The following SNX3 variants were observed in gnomAD, a reference collection of about 807,000 sequenced individuals.
The protein encoded by SNX3 is sorting nexin-3.
In SNX3, 5 loss-of-function variants were observed where a neutral mutation model predicts 17.7. The observed-to-expected ratio is 0.28, with a 90% confidence interval of 0.15 to 0.59. The LOEUF (loss-of-function observed/expected upper bound fraction) is 0.59, where lower values mean the gene tolerates loss of function less well. Among genes scored for constraint, SNX3 ranks in the 20% least tolerant of loss-of-function variants. SNX3 has a pLI of 0.88. For synonymous variants in SNX3, 91 were observed against 76.5 expected (o/e 1.19, Z -0.99); for missense variants, 132 against 206.8 (o/e 0.64, Z 2.22).
At chr6:108,222,045 C>G (rs898348120) in intron 2 of SNX3, among the ~76,000 whole-genome samples, 11 of 152,154 alleles carry the variant, frequency 7.2e-5, no homozygotes, top group African/African-American at 2.4e-4. Flanking sequence ...GCATGAGCCA[C>G]CATGCCCGGC....
At chr6:108,241,579 C>A (rs1775524879) in intron 1 of SNX3, among the ~76,000 whole-genome samples, 1 of 151,806 alleles carries the variant, frequency 6.6e-6, no homozygotes, top group Non-Finnish European at 1.5e-5. Flanking sequence ...GATAAGCTGA[C>A]AAACTGACTC....
chr6:108,219,295 C>G (rs1386486040), intron 2 of SNX3, among the ~76,000 whole-genome samples: 1 of 151,770 alleles, frequency 6.6e-6, no homozygotes, highest in Non-Finnish European at 1.5e-5. Flanking sequence ...TCAAGCAAAG[C>G]CCAAAGCCTA....
chr6:108,212,184 T>C lies in SNX3; in HGVS notation c.454A>G (p.Lys152Glu). 6.2e-7 allele frequency: 1 copy of C among 1,610,228 alleles called. No individual in the cohort carries two copies. Among genetic ancestry groups the C allele is most frequent in the Non-Finnish European group, 8.5e-7 (1 of 1,178,438 alleles). ...CTTATTTTAGATGGAGTATAGCTTT[T>C]ATCTATTATTTCATCTTGTAAAAAC... ...HMFLQDEIID[K>E]SYTPSKIRHA The change falls in exon 4 of 4, where the codon AAA becomes GAA. Residue 152 changes from lysine (K) to glutamate (E), a missense_variant. By Grantham distance (56) the Lys-to-Glu change is moderately conservative. Transcript: ENST00000230085.
chr6:108,256,553 TCA>T (rs1776037681), intron 1 of SNX3, among the ~76,000 whole-genome samples: 1 of 152,060 alleles, frequency 6.6e-6, no homozygotes, highest in Non-Finnish European at 1.5e-5. Flanking sequence ...CACACCTATT[TCA>T]CAGAGGGGAA....
chr6:108,233,314 G>C (rs1775226855), intron 1 of SNX3, among the ~76,000 whole-genome samples: 1 of 152,262 alleles, frequency 6.6e-6, no homozygotes, highest in South Asian at 2.1e-4. Context: ...TAATCCTACA[G>C]GCTTATGCTG....
intron 1 of SNX3, among the ~76,000 whole-genome samples, chr6:108,260,009 A>G (rs1347437621): frequency 2.0e-5 from 3 of 152,236 alleles, no homozygotes; most frequent in Non-Finnish European, 4.4e-5. Context: ...TTGCCAACAA[A>G]TACTAGTTAT....
At chr6:108,259,365 C>G (rs2114777833) in intron 1 of SNX3, among the ~76,000 whole-genome samples, 1 of 152,334 alleles carries the variant, frequency 6.6e-6, no homozygotes, top group African/African-American at 2.4e-5. Flanking sequence ...TCCCGAGTAG[C>G]TGGGATTACA....
At position 108,212,247 on chromosome 6, in the gene SNX3, C is replaced by A. The variant is rs776475624; in HGVS notation, c.391G>T (p.Gly131Cys). 12 of 1,602,944 alleles carry A rather than the reference C, an allele frequency of 7.5e-6. No homozygotes were observed. Among genetic ancestry groups the A allele is most frequent in the Non-Finnish European group, 8.5e-6 (10 of 1,173,282 alleles). Reference protein sequence around the residue: ...GLEQFINKVAGHPLAQNERCL... With the variant: ...GLEQFINKVACHPLAQNERCL... ...CGTTCGTTCTGTGCCAGAGGATGAC[C>A]AGCGACCCTGAGAATAAAAAATATA... The change falls in exon 4 of 4, where the codon GGT becomes TGT. Residue 131 changes from glycine (G) to cysteine (C), a missense_variant. By Grantham distance (159) the Gly-to-Cys change is radical. Coordinates refer to ENST00000230085, the MANE Select transcript of SNX3 (RefSeq NM_003795.6).
At chr6:108,247,582 A>T (rs1393489849) in intron 1 of SNX3, among the ~76,000 whole-genome samples, 1 of 151,690 alleles carries the variant, frequency 6.6e-6, no homozygotes, top group Non-Finnish European at 1.5e-5. Flanking sequence ...AAGTCTCCCT[A>T]TGTTTCCCAG....
chr6:108,214,230 C>A (rs908525585), intron 3 of SNX3, among the ~76,000 whole-genome samples: 1 of 152,064 alleles, frequency 6.6e-6, no homozygotes, highest in Non-Finnish European at 1.5e-5. Flanking sequence ...TTTTTAAATG[C>A]CGTAATTTTA....
At chr6:108,246,635 C>CT (rs200384200) in intron 1 of SNX3, among the ~76,000 whole-genome samples, 7,682 of 150,896 alleles carry the variant, frequency 0.051, 369 homozygotes, top group Admixed American at 0.15. Flanking sequence ...TCCTGCCTCC[C>CT]TTTTTTTTTC....
intron 1 of SNX3, among the ~76,000 whole-genome samples, chr6:108,229,606 A>T (rs930845372): frequency 2.9e-4 from 44 of 152,078 alleles, no homozygotes; most frequent in African/African-American, 1.1e-3. Flanking sequence ...TTTGTTTTTG[A>T]GACAGAGTTT....
At chr6:108,231,331 C>T (rs1434473506) in intron 1 of SNX3, among the ~76,000 whole-genome samples, 4 of 152,172 alleles carry the variant, frequency 2.6e-5, no homozygotes, top group African/African-American at 4.8e-5. Context: ...GTGATCCACC[C>T]GCCTCAACCT....
intron 3 of SNX3, among the ~76,000 whole-genome samples, 162 bp from the exon 4 acceptor site, chr6:108,212,416 G>A (rs1001867152): frequency 1.3e-5 from 2 of 151,946 alleles, no homozygotes; most frequent in Admixed American, 1.3e-4. Flanking sequence ...TTGGCTCATG[G>A]CAACCTCCGT....
Position 108,255,815 on chromosome 6 carries a change from T to C in SNX3, c.162+4945A>G, listed in dbSNP as rs188855525. Among the ~76,000 whole-genome samples the C allele has an allele frequency of 7.9e-5, 12 of 152,344 alleles. No individual in the cohort carries two copies. The East Asian group carries it at 1.7e-3, about 22-fold the overall frequency. On this transcript the variant is annotated intron_variant, in intron 1 of 3. Transcript: ENST00000230085. ...TGACTGACCCAGAGGAAAAAACATATACAAGTTTAGAACGGCAAGCACTGT... is the reference window on the plus strand; with the variant it reads ...TGACTGACCCAGAGGAAAAAACATACACAAGTTTAGAACGGCAAGCACTGT...
chr6:108,260,611 G>A (rs1417690884), intron 1 of SNX3, 149 bp downstream of exon 1: 9 of 811,184 alleles, frequency 1.1e-5, no homozygotes, highest in Admixed American at 7.6e-5. Flanking sequence ...CAGGAAGAGG[G>A]GCCCTGGCTC....
chr6:108,240,567 G>C (rs985923406), intron 1 of SNX3, among the ~76,000 whole-genome samples: 8 of 152,138 alleles, frequency 5.3e-5, no homozygotes, highest in Non-Finnish European at 1.2e-4. Flanking sequence ...TGCTCCACCA[G>C]CTCTATCAAT....
At chr6:108,243,847 C>T (rs567736980) in intron 1 of SNX3, among the ~76,000 whole-genome samples, 73 of 152,266 alleles carry the variant, frequency 4.8e-4, no homozygotes, top group African/African-American at 1.7e-3. Context: ...GCACAAGAAT[C>T]GCATGAACCT....
At chr6:108,232,457 C>A (rs1020982936) in intron 1 of SNX3, among the ~76,000 whole-genome samples, 1 of 152,166 alleles carries the variant, frequency 6.6e-6, no homozygotes, top group Non-Finnish European at 1.5e-5. Flanking sequence ...TATACACTTA[C>A]ACAGGCTGAC....
Sources: allele counts gnomAD v4.1 joint callset (sites outside exome capture counted in the v4.1 genomes callset), GRCh38; gene constraint gnomAD v4.1.1; transcripts MANE v1.5; gene names NCBI Gene and HGNC (gene_info 2026-07-23, HGNC 2026-07-21).